The following TBC1D22A variants were observed in gnomAD, a reference collection of about 807,000 sequenced individuals.
The protein encoded by TBC1D22A is putative GTPase activator.
A neutral mutation model predicts 60.2 loss-of-function variants in TBC1D22A; 38 were observed. That is an observed-to-expected ratio of 0.63 (90% CI 0.49 to 0.83). The LOEUF (loss-of-function observed/expected upper bound fraction) is 0.83. Among genes scored for constraint, TBC1D22A ranks in the 40% least tolerant of loss-of-function variants. The pLI is 0.00. For missense variants in TBC1D22A, 628 were observed against 701.0 expected (o/e 0.90, Z 1.18); for synonymous variants, 302 against 281.7 (o/e 1.07, Z -0.72).
chr22:46,932,503 A>C (rs918961288), intron 8 of TBC1D22A, among the ~76,000 whole-genome samples: 1 of 152,148 alleles, frequency 6.6e-6, no homozygotes, highest in Non-Finnish European at 1.5e-5. Context: ...CCTCAGGTTT[A>C]GGAATAAATG....
chr22:47,143,786 A>G (rs1376509887), intron 12 of TBC1D22A, among the ~76,000 whole-genome samples: 2 of 152,212 alleles, frequency 1.3e-5, no homozygotes, highest in Non-Finnish European at 2.9e-5. Flanking sequence ...CTGTTTGAGC[A>G]TTGGTCCCTG....
intron 10 of TBC1D22A, among the ~76,000 whole-genome samples, chr22:47,015,255 G>T (rs1361649317): frequency 6.6e-6 from 1 of 152,190 alleles, no homozygotes; most frequent in Non-Finnish European, 1.5e-5. Context: ...GGTTCCTGGC[G>T]CAGGTGCCTG....
intron 11 of TBC1D22A, among the ~76,000 whole-genome samples, chr22:47,065,460 C>G (rs2063719484): frequency 6.6e-6 from 1 of 152,220 alleles, no homozygotes; most frequent in African/African-American, 2.4e-5. Context: ...GGCTCACGAC[C>G]CTCCTGCCAG....
At chr22:47,024,682 C>T (rs2062195352) in intron 10 of TBC1D22A, among the ~76,000 whole-genome samples, 1 of 151,864 alleles carries the variant, frequency 6.6e-6, no homozygotes, top group African/African-American at 2.4e-5. Flanking sequence ...GGTGAGACCC[C>T]GTCTCTTAAA....
chr22:47,109,763 A>G (rs950250108), intron 11 of TBC1D22A, among the ~76,000 whole-genome samples: 14 of 151,260 alleles, frequency 9.3e-5, no homozygotes, highest in Non-Finnish European at 1.5e-5. Flanking sequence ...CCTACCCCAG[A>G]TCTGTCATAC....
chr22:46,913,795 T>A, intron 8 of TBC1D22A: 7 of 980,998 alleles, frequency 7.1e-6, no homozygotes, highest in Non-Finnish European at 8.5e-6. Context: ...TTAACTACTT[T>A]ACCGCCAACT....
chr22:47,001,304 T>C (rs540474533), intron 10 of TBC1D22A, among the ~76,000 whole-genome samples: 6,229 of 147,716 alleles, frequency 0.042, 160 homozygotes, highest in South Asian at 0.089. Context: ...TCTTTCTTTT[T>C]TTTTTTTTTT....
rs549975049 is a variant in TBC1D22A at position 47,066,356 on chromosome 22, G to A, written c.1329+29158G>A. On this transcript the variant is annotated intron_variant, in intron 11 of 12. Transcript: ENST00000337137. ...CCTCGGAATGCTGGTGGCGTGTGCC[G>A]GGACGTACGTGCGGGACTAGAGGGC... Among the ~76,000 whole-genome samples, 11 of 152,282 alleles carry A rather than the reference G, an allele frequency of 7.2e-5. No individual in the cohort carries two copies. In the South Asian group the frequency reaches 1.0e-3, roughly 14 times the overall value.
chr22:46,918,626 T>C (rs73480706), intron 8 of TBC1D22A, among the ~76,000 whole-genome samples: 14,736 of 152,116 alleles, frequency 0.097, 1,444 homozygotes, highest in African/African-American at 0.25. Context: ...GCAGAGCTCA[T>C]AGGGATGGAG....
chr22:46,916,058 T>C (rs2070348774), intron 8 of TBC1D22A: 3 of 402,678 alleles, frequency 7.5e-6, no homozygotes, highest in Non-Finnish European at 9.6e-6. Flanking sequence ...TGAGGACATA[T>C]GCATGTAGTG....
chr22:47,160,843 C>T (rs1388399725), intron 12 of TBC1D22A, among the ~76,000 whole-genome samples: 2 of 152,130 alleles, frequency 1.3e-5, no homozygotes, highest in Non-Finnish European at 2.9e-5. Context: ...ACCCCATGCC[C>T]TCCCCCCAGC....
chr22:46,858,628 ATC>A (rs1211457935), intron 4 of TBC1D22A, among the ~76,000 whole-genome samples: 9 of 152,220 alleles, frequency 5.9e-5, no homozygotes, highest in African/African-American at 2.2e-4. Flanking sequence ...GGGAGGAGAC[ATC>A]TCTCCTGCAG....
At chr22:46,808,603 T>C (rs2147012084) in intron 4 of TBC1D22A, among the ~76,000 whole-genome samples, 1 of 149,134 alleles carries the variant, frequency 6.7e-6, no homozygotes, top group South Asian at 2.1e-4. Context: ...TTAGCCAGCT[T>C]TTTTTTTTTG....
chr22:47,012,091 C>G (rs927758839), intron 10 of TBC1D22A, among the ~76,000 whole-genome samples: 8 of 152,058 alleles, frequency 5.3e-5, no homozygotes, highest in African/African-American at 1.9e-4. Context: ...ACTGGCCTCT[C>G]CCAGCAATCG....
intron 11 of TBC1D22A, among the ~76,000 whole-genome samples, chr22:47,090,167 G>A (rs1032648667): frequency 6.6e-6 from 1 of 152,192 alleles, no homozygotes; most frequent in Non-Finnish European, 1.5e-5. Flanking sequence ...CCTCACCTGG[G>A]AATCATCTTG....
rs140681434 is a variant in TBC1D22A, at chr22:46,960,226, C to T, written c.1016-14064C>T. 3.4e-3 allele frequency among the ~76,000 whole-genome samples: 523 copies of T among 151,962 alleles called. 1 individual carries two copies. Among genetic ancestry groups the T allele is most frequent in the Non-Finnish European group, 6.0e-3 (408 of 67,946 alleles). On this transcript the variant is annotated intron_variant, in intron 8 of 12. Transcript: ENST00000337137. The stretch of plus-strand genomic sequence containing the variant: ...TTGGTACTGGCCTGTTATATAGTGC[C>T]ATATCAGACATTATGTAGGAGGTAC...
chr22:46,877,861 C>T (rs2067639051), intron 4 of TBC1D22A, among the ~76,000 whole-genome samples: 1 of 152,136 alleles, frequency 6.6e-6, no homozygotes, highest in Non-Finnish European at 1.5e-5. Context: ...CCATTTGGGG[C>T]ATGGGAGTGA....
intron 7 of TBC1D22A, among the ~76,000 whole-genome samples, chr22:46,899,106 G>T (rs749870554): frequency 3.9e-5 from 6 of 152,162 alleles, no homozygotes; most frequent in East Asian, 1.9e-4. Context: ...AGCCTTGTGT[G>T]TGTGGGGAAA....
chr22:46,923,511 G>A (rs899268978), intron 8 of TBC1D22A, among the ~76,000 whole-genome samples: 4 of 152,222 alleles, frequency 2.6e-5, no homozygotes, highest in Non-Finnish European at 4.4e-5. Flanking sequence ...TGCTAGGGTC[G>A]CAGTGTCTAG....
Sources: allele counts gnomAD v4.1 joint callset (sites outside exome capture counted in the v4.1 genomes callset), GRCh38; gene constraint gnomAD v4.1.1; transcripts MANE v1.5; gene names NCBI Gene and HGNC (gene_info 2026-07-23, HGNC 2026-07-21).